REL: variants seen among roughly 807,000 people sequenced by gnomAD.
REL encodes the protein REL proto-oncogene, NF-kB subunit.
Under a neutral mutation model 45.9 loss-of-function variants are expected in REL, and 15 were observed. The observed-to-expected ratio is 0.33, with a 90% confidence interval of 0.22 to 0.50. The LOEUF (loss-of-function observed/expected upper bound fraction) is 0.50, where lower values mean the gene tolerates loss of function less well. Among genes scored for constraint, REL ranks in the 20% least tolerant of loss-of-function variants. The probability of loss-of-function intolerance (pLI) is 0.98; values close to 1 mark genes in which losing one functional copy is unlikely to be tolerated. For missense variants in REL, 601 were observed against 715.2 expected, an observed-to-expected ratio of 0.84 and a Z score of 1.82; for synonymous variants, 239 against 242.1, an observed-to-expected ratio of 0.99 and a Z score of 0.12.
chr2:60,911,376 C>T (rs938836575), intron 4 of REL: 1 of 152,118 alleles, frequency 6.6e-6, no homozygotes, highest in African/African-American at 2.4e-5. Context: ...AAACTTTTTC[C>T]TAATATCCTG....
intron 4 of REL, among the ~76,000 whole-genome samples, chr2:60,916,668 A>G (rs952184263): frequency 2.6e-5 from 4 of 152,328 alleles, no homozygotes; most frequent in African/African-American, 9.6e-5. Context: ...CTTCCTGAAC[A>G]TGGCTATAAT....
chr2:60,903,416 C>T (rs1673552102), intron 4 of REL, among the ~76,000 whole-genome samples: 1 of 152,100 alleles, frequency 6.6e-6, no homozygotes, highest in South Asian at 2.1e-4. Context: ...TTGAGATGCC[C>T]GGGCTGGAGT....
At chr2:60,890,039 G>T (rs904549129) in intron 1 of REL, among the ~76,000 whole-genome samples, 11 of 152,220 alleles carry the variant, frequency 7.2e-5, no homozygotes, top group Non-Finnish European at 1.0e-4. Context: ...CTTCCACAAT[G>T]GTTGAACTAG....
intron 2 of REL, among the ~76,000 whole-genome samples, chr2:60,893,193 A>G (rs1673263294): frequency 6.6e-6 from 1 of 152,206 alleles, no homozygotes; most frequent in Admixed American, 6.5e-5. Context: ...TTGTTTTTGA[A>G]AAGTGTTACT....
At position 60,926,893 on chromosome 2, in the gene REL, C is replaced by G. The variant is rs1370014778; in HGVS notation, c.*4358C>G. On this transcript the variant is annotated 3_prime_UTR_variant, in exon 10 of 10. Coordinates refer to ENST00000394479, the MANE Select transcript of REL (RefSeq NM_001291746.2). ...CTAGTAATAATCTTTTCCATATGTT[C>G]CAGTTAAAATACCATGTTCTCCCTA... 2 of 225,294 alleles carry G rather than the reference C, an allele frequency of 8.9e-6. No homozygotes were observed. The highest frequency in any genetic ancestry group is 1.8e-5 in the Non-Finnish European group (2 of 113,086). 14.0% of individuals were successfully genotyped at this position (225,294 alleles called of 1,614,324 possible). A position where few individuals can be genotyped will look rare whatever the true frequency, so the allele number is the denominator to read the frequency against.
intron 4 of REL, among the ~76,000 whole-genome samples, chr2:60,912,640 T>G (rs1673851206): frequency 6.6e-6 from 1 of 152,148 alleles, no homozygotes; most frequent in Non-Finnish European, 1.5e-5. Flanking sequence ...AGAGATTTCA[T>G]TTTTGCCCAA....
intron 4 of REL, among the ~76,000 whole-genome samples, chr2:60,905,511 A>G (rs933739752): frequency 9.2e-5 from 14 of 152,208 alleles, no homozygotes; most frequent in Admixed American, 9.2e-4. Context: ...CACTAATTTG[A>G]TAGGGCTGGT....
chr2:60,881,738 G>A lies in REL; in HGVS notation c.-103G>A, dbSNP rs1012880314. On this transcript the variant is annotated 5_prime_UTR_variant, in exon 1 of 10. Coordinates refer to ENST00000394479, the MANE Select transcript of REL (RefSeq NM_001291746.2). ...CCTCTAGGGTGGTCGGGGGACTGGGGGCCCCGCCGGCAGAGGTCCCTCGGC... is the reference window on the plus strand; with the variant it reads ...CCTCTAGGGTGGTCGGGGGACTGGGAGCCCCGCCGGCAGAGGTCCCTCGGC... The A allele has an allele frequency of 4.2e-5, 45 of 1,061,820 alleles. No homozygotes were observed. The Middle Eastern group carries it at 8.9e-4, about 21-fold the overall frequency. The allele number at this position is 1,061,820 out of a possible 1,614,324, so 65.8% of individuals were successfully genotyped here. A position where few individuals can be genotyped will look rare whatever the true frequency, so the allele number is the denominator to read the frequency against.
intron 1 of REL, among the ~76,000 whole-genome samples, chr2:60,885,331 G>T (rs1673046372): frequency 6.6e-6 from 1 of 152,144 alleles, no homozygotes; most frequent in African/African-American, 2.4e-5. Flanking sequence ...TAAAACAGAG[G>T]TGATTTGGTC....
chr2:60,892,560 C>A (rs538171872), intron 2 of REL, among the ~76,000 whole-genome samples: 1 of 152,056 alleles, frequency 6.6e-6, no homozygotes, highest in South Asian at 2.1e-4. Flanking sequence ...TACCGAGTAG[C>A]TGGGATTACA....
chr2:60,898,162 T>C (rs775650712), intron 3 of REL, among the ~76,000 whole-genome samples: 2 of 152,240 alleles, frequency 1.3e-5, no homozygotes, highest in Non-Finnish European at 2.9e-5. Flanking sequence ...CTGACTGGTC[T>C]TGCATTAACC....
rs576661902 is a variant in REL, at chr2:60,930,917, T to C, written c.*8382T>C. The C allele has an allele frequency of 6.6e-6, 1 of 152,508 alleles. No homozygotes were observed. The highest frequency in any genetic ancestry group is 2.1e-4 in the South Asian group (1 of 4,830). 9.4% of individuals were successfully genotyped at this position (152,508 alleles called of 1,614,324 possible). ...GTAATACACAGTAATTAGTACAGCA[T>C]GTTGCTTCTTCAACAAATTGAGTTT... On this transcript the variant is annotated 3_prime_UTR_variant, in exon 10 of 10. Coordinates refer to ENST00000394479, the MANE Select transcript of REL (RefSeq NM_001291746.2).
At chr2:60,893,003 T>G (rs1673259042) in intron 2 of REL, among the ~76,000 whole-genome samples, 1 of 152,220 alleles carries the variant, frequency 6.6e-6, no homozygotes, top group South Asian at 2.1e-4. Flanking sequence ...TCCGACTGCC[T>G]TGGTCTCCCA....
At position 60,922,452 on chromosome 2, in the gene REL, C is replaced by G. The variant is rs1343617376; in HGVS notation, c.1681C>G (p.Gln561Glu). The G allele has an allele frequency of 6.2e-7, 1 of 1,613,844 alleles. No individual in the cohort carries two copies. Among genetic ancestry groups the G allele is most frequent in the Admixed American group, 1.7e-5 (1 of 60,000 alleles). ...STNPNSHGFVQDSQYSGIGSM... is the reference protein window; with the variant it reads ...STNPNSHGFVEDSQYSGIGSM... ...TAATCCAAACAGTCATGGTTTTGTT[C>G]AAGATAGTCAGTATTCAGGTATTGG... Residue 561 changes from glutamine to glutamate, a missense_variant, in exon 10 of 10, where the codon CAA (glutamine) becomes GAA (glutamate). By Grantham distance (29) the Gln-to-Glu change is conservative. Coordinates refer to ENST00000394479, the MANE Select transcript of REL (RefSeq NM_001291746.2).
chr2:60,895,940 C>T (rs1673335051), intron 3 of REL, among the ~76,000 whole-genome samples: 1 of 151,986 alleles, frequency 6.6e-6, no homozygotes, highest in Non-Finnish European at 1.5e-5. Flanking sequence ...AATCATATTG[C>T]CAATATGTCT....
intron 4 of REL, among the ~76,000 whole-genome samples, chr2:60,912,979 T>G (rs1673861103): frequency 6.6e-6 from 1 of 152,176 alleles, no homozygotes; most frequent in Non-Finnish European, 1.5e-5. Flanking sequence ...ATCAACATTT[T>G]AAAAACTTTT....
intron 4 of REL, among the ~76,000 whole-genome samples, chr2:60,910,358 G>A (rs1164050976): frequency 1.3e-5 from 2 of 151,568 alleles, no homozygotes; most frequent in African/African-American, 4.8e-5. Flanking sequence ...CCAGCTACTC[G>A]GGAGGCTGAG....
In REL at chr2:60,928,142, A is replaced by C. The variant is rs1020452088; in HGVS notation, c.*5607A>C. On this transcript the variant is annotated 3_prime_UTR_variant, in exon 10 of 10. Coordinates refer to ENST00000394479, the MANE Select transcript of REL (RefSeq NM_001291746.2). Reference sequence around the variant, plus strand: ...AGACTAGCCTGGGTAATATAAGGAAAACCTGTCTCTGCAAAAAAAAAAAAA... The same window carrying C: ...AGACTAGCCTGGGTAATATAAGGAACACCTGTCTCTGCAAAAAAAAAAAAA... 1.7e-5 allele frequency: 3 copies of C among 175,782 alleles called. No individual in the cohort carries two copies. Among genetic ancestry groups the C allele is most frequent in the African/African-American group, 7.3e-5 (3 of 40,892 alleles). 10.9% of individuals were successfully genotyped at this position (175,782 alleles called of 1,614,324 possible).
At chr2:60,906,778 C>T (rs781559549) in intron 4 of REL, among the ~76,000 whole-genome samples, 1 of 151,644 alleles carries the variant, frequency 6.6e-6, no homozygotes, top group Non-Finnish European at 1.5e-5. Flanking sequence ...ATCACATCGT[C>T]TTTAAAGCCT....
Sources: gnomAD v4.1 joint callset for allele counts (sites outside exome capture counted in the v4.1 genomes callset) on GRCh38, gnomAD v4.1.1 for gene constraint, MANE v1.5 for transcripts, NCBI Gene and HGNC (gene_info 2026-07-23, HGNC 2026-07-21) for gene names.